RBFOX1: variants seen among roughly 807,000 people sequenced by gnomAD.
RBFOX1 encodes the protein RNA binding protein fox-1 homolog 1.
RBFOX1 carries 8 observed loss-of-function variants against 57.7 expected under a neutral mutation model. The ratio of observed to expected loss-of-function variants is 0.14; its 90% CI spans 0.08 to 0.25. RBFOX1 has a LOEUF of 0.25. RBFOX1 is among the 10% of genes least tolerant of loss of function. The pLI, the probability that RBFOX1 is intolerant of heterozygous loss-of-function variation, is 1.00. For missense variants in RBFOX1, 611 were observed against 548.5 expected, an observed-to-expected ratio of 1.11 and a Z score of -1.14; for synonymous variants, 326 against 222.4, an observed-to-expected ratio of 1.47 and a Z score of -4.15.
chr16:5,498,647 G>A (rs1307679570), intron 2 of RBFOX1, among the ~76,000 whole-genome samples: 1 of 152,240 alleles, frequency 6.6e-6, no homozygotes, highest in African/African-American at 2.4e-5. Flanking sequence ...AGGCTAGGCT[G>A]TTGGGAGAGA....
intron 9 of RBFOX1, among the ~76,000 whole-genome samples, chr16:7,604,109 C>G (rs1054347887): frequency 3.3e-5 from 5 of 152,074 alleles, no homozygotes; most frequent in Non-Finnish European, 7.4e-5. Flanking sequence ...AGAGAAGAAT[C>G]AAGGAAGTGT....
At chr16:7,643,528 C>G (rs527465183) in intron 11 of RBFOX1, among the ~76,000 whole-genome samples, 3 of 152,284 alleles carry the variant, frequency 2.0e-5, no homozygotes, top group African/African-American at 7.2e-5. Flanking sequence ...AAATTTCTAG[C>G]TGAATTTAGT....
At chr16:6,159,549 C>T (rs889283237) in intron 1 of RBFOX1, among the ~76,000 whole-genome samples, 1 of 152,162 alleles carries the variant, frequency 6.6e-6, no homozygotes, top group African/African-American at 2.4e-5. Context: ...ACAGGGTCTG[C>T]CCTAAATGGA....
intron 4 of RBFOX1, among the ~76,000 whole-genome samples, chr16:7,213,606 T>C (rs1417963894): frequency 6.6e-6 from 1 of 151,908 alleles, no homozygotes; most frequent in African/African-American, 2.4e-5. Flanking sequence ...TGGAGTATGA[T>C]GGGAGCTTAC....
chr16:5,827,912 T>TCCAC lies in RBFOX1; in HGVS notation c.319-39388_319-39387insCCCA, dbSNP rs879526216. ...ATCCATCCATCCATCCATCCATCCATCCATCCACCCATCCACCCACCCATC... is the reference window on the plus strand; with the variant it reads ...ATCCATCCATCCATCCATCCATCCATCCACCCATCCACCCATCCACCCACCCATC... On this transcript the variant is annotated intron_variant, in intron 3 of 19. Transcript: ENST00000641259. Among the ~76,000 whole-genome samples, 131 of 130,530 alleles carry TCCAC rather than the reference T, an allele frequency of 1.0e-3. No individual in the cohort carries two copies. The Middle Eastern group carries it at 0.019, about 19-fold the overall frequency. The allele number at this position is 130,530 out of a possible 152,430, so 85.6% of individuals were successfully genotyped here.
chr16:7,315,353 C>T (rs1221994162), intron 4 of RBFOX1, among the ~76,000 whole-genome samples: 4 of 151,550 alleles, frequency 2.6e-5, no homozygotes, highest in Admixed American at 6.6e-5. Context: ...AAGAAAGATA[C>T]GTAAGGCTTT....
At chr16:5,713,185 A>C (rs939418333) in intron 3 of RBFOX1, among the ~76,000 whole-genome samples, 1 of 152,044 alleles carries the variant, frequency 6.6e-6, no homozygotes, top group Non-Finnish European at 1.5e-5. Context: ...CTGTCTTTTT[A>C]TTTGCTTAAG....
chr16:7,635,065 G>A (rs765897902), intron 11 of RBFOX1, among the ~76,000 whole-genome samples: 3 of 152,204 alleles, frequency 2.0e-5, no homozygotes, highest in Non-Finnish European at 4.4e-5. Flanking sequence ...CTTGTTGAGG[G>A]GAAAGGTACT....
intron 1 of RBFOX1, among the ~76,000 whole-genome samples, chr16:6,189,581 C>A (rs2097129328): frequency 6.6e-6 from 1 of 152,116 alleles, no homozygotes; most frequent in African/African-American, 2.4e-5. Flanking sequence ...CCCACCTGCT[C>A]TCGTTGTTGG....
intron 10 of RBFOX1, among the ~76,000 whole-genome samples, chr16:7,623,051 G>A (rs532224254): frequency 1.3e-5 from 2 of 152,272 alleles, no homozygotes; most frequent in South Asian, 4.1e-4. Flanking sequence ...GGTACCTTAT[G>A]GCAACCTCTT....
In RBFOX1 at chr16:5,636,326, C is replaced by T. The variant is rs138631427; in HGVS notation, c.318+37365C>T. On this transcript the variant is annotated intron_variant, in intron 3 of 19. Coordinates refer to the RBFOX1 transcript ENST00000641259. ...TTGCGCCATTTCACCCTAGCCTGGG[C>T]GACAAGAGTGAAACTCTGTCTCAAA... Among the ~76,000 whole-genome samples the T allele has an allele frequency of 7.8e-3, 1,184 of 152,050 alleles. 21 individuals are homozygous for T. The highest frequency in any genetic ancestry group is 0.026 in the African/African-American group (1,077 of 41,480).
At chr16:6,274,721 T>C (rs1333477857) in intron 1 of RBFOX1, among the ~76,000 whole-genome samples, 1 of 152,200 alleles carries the variant, frequency 6.6e-6, no homozygotes, top group Non-Finnish European at 1.5e-5. Flanking sequence ...GTAACATTAT[T>C]GCCTACAAAT....
At chr16:5,689,665 C>G (rs1202569443) in intron 3 of RBFOX1, among the ~76,000 whole-genome samples, 2 of 152,284 alleles carry the variant, frequency 1.3e-5, no homozygotes, top group East Asian at 1.9e-4. Flanking sequence ...GTCACATTCA[C>G]TTATTCAGTC....
intron 4 of RBFOX1, among the ~76,000 whole-genome samples, chr16:6,004,106 G>GTTGA (rs1248749122): frequency 2.0e-5 from 3 of 152,174 alleles, no homozygotes; most frequent in Non-Finnish European, 4.4e-5. Context: ...AAGGTGATGG[G>GTTGA]TTGATAGGTG....
At chr16:6,306,678 T>A (rs964113259) in intron 1 of RBFOX1, among the ~76,000 whole-genome samples, 4 of 152,164 alleles carry the variant, frequency 2.6e-5, no homozygotes, top group Non-Finnish European at 5.9e-5. Flanking sequence ...AGCATTTTCA[T>A]CTCCCAAACA....
chr16:6,411,915 C>T (rs900054089), intron 2 of RBFOX1, among the ~76,000 whole-genome samples: 6 of 152,008 alleles, frequency 3.9e-5, no homozygotes, highest in Non-Finnish European at 5.9e-5. Flanking sequence ...GGTCGGCTTA[C>T]GAGGTCAGGA....
chr16:6,888,356 AC>A (rs752210945), intron 3 of RBFOX1, among the ~76,000 whole-genome samples: 94 of 152,236 alleles, frequency 6.2e-4, no homozygotes, highest in Middle Eastern at 3.4e-3. Context: ...CTGTTTGAAA[AC>A]TTTTTCGTTT....
chr16:6,442,593 C>T (rs926368402), intron 2 of RBFOX1, among the ~76,000 whole-genome samples: 1 of 151,916 alleles, frequency 6.6e-6, no homozygotes, highest in African/African-American at 2.4e-5. Flanking sequence ...AACAGTGTTC[C>T]TCTGCTGTCT....
intron 2 of RBFOX1, among the ~76,000 whole-genome samples, chr16:6,557,253 C>T (rs1032813774): frequency 2.0e-4 from 30 of 151,116 alleles, no homozygotes; most frequent in Admixed American, 1.3e-3. Flanking sequence ...CCTTCTTTTT[C>T]GGGTGATGCA....
Sources: gnomAD v4.1 joint callset for allele counts (sites outside exome capture counted in the v4.1 genomes callset) on GRCh38, gnomAD v4.1.1 for gene constraint, MANE v1.5 for transcripts, NCBI Gene and HGNC (gene_info 2026-07-23, HGNC 2026-07-21) for gene names.